The following EFCC1 variants were observed in gnomAD, a reference collection of about 807,000 sequenced individuals.
EFCC1 encodes EF-hand and coiled-coil domain containing 1, also known as EF-hand and coiled-coil domain-containing protein 1.
EFCC1 carries 50 observed loss-of-function variants against 52.1 expected under a neutral mutation model. The ratio of observed to expected loss-of-function variants is 0.96; its 90% CI spans 0.76 to 1.21. EFCC1 has a LOEUF of 1.21. Ranked by LOEUF, EFCC1 falls within the 50% of genes most tolerant of loss-of-function variation. The probability of loss-of-function intolerance (pLI) is 0.00; values close to 1 mark genes in which losing one functional copy is unlikely to be tolerated. For missense variants in EFCC1, 837 were observed against 867.3 expected (o/e 0.97, Z 0.44); for synonymous variants, 399 against 396.5 (o/e 1.01, Z -0.08).
At position 129,021,674 on chromosome 3, in the gene EFCC1, G is replaced by A. The variant is rs1945850706; in HGVS notation, c.981-9029G>A. ...ATTTATCAATCCATCTATCAATCTG[G>A]ATATTTTAAAATGCCAAATATAGGG... is the stretch of plus-strand genomic sequence containing the variant. On this transcript the variant is annotated intron_variant, in intron 2 of 7. Transcript: ENST00000683648. Among the ~76,000 whole-genome samples, 3 of 152,230 alleles carry A rather than the reference G, an allele frequency of 2.0e-5. No individual in the cohort carries two copies. The South Asian group carries it at 6.2e-4, about 32-fold the overall frequency.
In EFCC1 at chr3:129,033,487, G is replaced by A. The variant is rs186730163; in HGVS notation, c.1286+521G>A. Among the ~76,000 whole-genome samples, 353 of 152,332 alleles carry A rather than the reference G, an allele frequency of 2.3e-3. 3 individuals carry two copies. Among genetic ancestry groups the A allele is most frequent in the African/African-American group, 8.0e-3 (334 of 41,570 alleles). On this transcript the variant is annotated intron_variant, in intron 4 of 7. Transcript: ENST00000683648. ...GACACTTGTGTGGCAGAGGCTGTGTGAGGATTTGAGGTCAAAGATATACAA... is the reference window on the plus strand; with the variant it reads ...GACACTTGTGTGGCAGAGGCTGTGTAAGGATTTGAGGTCAAAGATATACAA...
intron 2 of EFCC1, among the ~76,000 whole-genome samples, chr3:129,016,127 C>T: frequency 6.6e-6 from 1 of 152,166 alleles, no homozygotes; most frequent in East Asian, 1.9e-4. Flanking sequence ...TTTGATGCGT[C>T]CCCCTGGCTT....
At chr3:129,021,460 G>A (rs1945839208) in intron 2 of EFCC1, among the ~76,000 whole-genome samples, 1 of 152,188 alleles carries the variant, frequency 6.6e-6, no homozygotes, top group African/African-American at 2.4e-5. Flanking sequence ...TGTAGTCCCA[G>A]CTACTGGGGA....
chr3:129,038,886 G>C lies in EFCC1; in HGVS notation c.1649G>C (p.Arg550Thr), dbSNP rs781518640. The C allele has an allele frequency of 6.2e-7, 1 of 1,613,954 alleles. No individual in the cohort carries two copies. Among genetic ancestry groups the C allele is most frequent in the South Asian group, 1.1e-5 (1 of 91,066 alleles). Residue 550 changes from arginine to threonine, a missense_variant, in exon 7 of 8, where the codon AGG becomes ACG. By Grantham distance (71) the Arg-to-Thr change is moderately conservative. Coordinates refer to ENST00000683648, the MANE Select transcript of EFCC1 (RefSeq NM_001377500.1). ...KILLSTLDAF[R>T]DPTHEGRPSP... ...TTGCTGAGCACGCTGGACGCTTTCA[G>C]GGACCCCACCCACGGTAGGAGAGCA...
At chr3:129,007,354 A>G (rs1945118065) in intron 2 of EFCC1, among the ~76,000 whole-genome samples, 1 of 152,220 alleles carries the variant, frequency 6.6e-6, no homozygotes, top group South Asian at 2.1e-4. Flanking sequence ...ACCGGGAGGA[A>G]AGGGCCCCAT....
At chr3:129,008,573 T>C (rs961027809) in intron 2 of EFCC1, among the ~76,000 whole-genome samples, 2 of 152,252 alleles carry the variant, frequency 1.3e-5, no homozygotes, top group African/African-American at 4.8e-5. Flanking sequence ...CAACAGTATT[T>C]TCTAAGCACG....
intron 2 of EFCC1, among the ~76,000 whole-genome samples, chr3:129,017,508 C>T (rs1945640759): frequency 6.6e-6 from 1 of 152,220 alleles, no homozygotes; most frequent in African/African-American, 2.4e-5. Context: ...AAAGCCCGTT[C>T]CAGTGTTGGC....
At chr3:129,037,841 G>A (rs1043380617) in intron 6 of EFCC1, among the ~76,000 whole-genome samples, 13 of 150,618 alleles carry the variant, frequency 8.6e-5, no homozygotes, top group African/African-American at 2.7e-4. Flanking sequence ...TGGGTGGATC[G>A]CTTGAGCTCA....
At position 129,032,958 on chromosome 3, in the gene EFCC1, C is replaced by T; in HGVS notation, c.1278C>T (p.Cys426=). The stretch of plus-strand genomic sequence containing the variant: ...CACTGCTGGCCCGGCTCTCCAGCTG[C>T]AGAGGCAGGTGTGTGGCCCGTCCAG... ...AKTLLARLSS[C]RGRCDDQTAE... is the part of the protein sequence containing the mutation. Residue 426 remains cysteine, a synonymous_variant, in exon 4 of 8, where the codon TGC becomes TGT. Transcript: ENST00000683648. 6.5e-7 allele frequency: 1 copy of T among 1,542,202 alleles called. No individual in the cohort carries two copies. The highest frequency in any genetic ancestry group is 8.8e-7 in the Non-Finnish European group (1 of 1,141,930).
intron 5 of EFCC1, among the ~76,000 whole-genome samples, chr3:129,034,830 T>C (rs867915191): frequency 6.6e-6 from 1 of 152,170 alleles, no homozygotes; most frequent in African/African-American, 2.4e-5. Context: ...ACCTCAGTCA[T>C]GTGCCCGTCC....
intron 2 of EFCC1, among the ~76,000 whole-genome samples, chr3:129,026,234 G>C (rs1183920536): frequency 1.3e-5 from 2 of 152,248 alleles, no homozygotes; most frequent in African/African-American, 4.8e-5. Flanking sequence ...GTGCTAGGAG[G>C]TGGAGTGTGG....
In EFCC1 at chr3:129,026,691, T is replaced by G. The variant is rs140458799; in HGVS notation, c.981-4012T>G. ...TCTTGGAGACAGTGACCTTATTCCC[T>G]TGTGTCTTTTCTTCTCCAGGCTGTA... On this transcript the variant is annotated intron_variant, in intron 2 of 7. Coordinates refer to ENST00000683648, the MANE Select transcript of EFCC1 (RefSeq NM_001377500.1). 1.2e-3 allele frequency among the ~76,000 whole-genome samples: 182 copies of G among 152,264 alleles called. 1 individual carries two copies. The highest frequency in any genetic ancestry group is 4.3e-3 in the African/African-American group (177 of 41,546).
chr3:129,024,974 T>C (rs1946040976), intron 2 of EFCC1, among the ~76,000 whole-genome samples: 1 of 152,030 alleles, frequency 6.6e-6, no homozygotes, highest in African/African-American at 2.4e-5. Flanking sequence ...ACTCTTTGGG[T>C]GGTCAAGTGG....
At position 129,010,047 on chromosome 3, in the gene EFCC1, G is replaced by A. The variant is rs576853855; in HGVS notation, c.980+5970G>A. On this transcript the variant is annotated intron_variant, in intron 2 of 7. Transcript: ENST00000683648. This position sits in a 1 kb window ranked among gnomAD's most constrained non-coding sequence, Gnocchi z 4.3. ...GCCCAGCCTTGGCACACAGTAAGAT[G>A]TGTGTGGACACACGAATGGACCAGC... Among the ~76,000 whole-genome samples the A allele has an allele frequency of 3.9e-5, 6 of 152,350 alleles. No homozygotes were observed. The highest frequency in any genetic ancestry group is 8.8e-5 in the Non-Finnish European group (6 of 68,040).
At chr3:129,019,083 G>T (rs79683337) in intron 2 of EFCC1, among the ~76,000 whole-genome samples, 2,114 of 152,314 alleles carry the variant, frequency 0.014, 47 homozygotes, top group African/African-American at 0.047. Flanking sequence ...GCTGGGTCTT[G>T]TGGAGACACA....
At position 129,010,447 on chromosome 3, in the gene EFCC1, G is replaced by T. The variant is rs1343096544; in HGVS notation, c.980+6370G>T. ...AGCTCAGCCGGAACAGGGAGGAGAG[G>T]CCTGGCGGCCTGGCCTCTGGCTTTG... On this transcript the variant is annotated intron_variant, in intron 2 of 7. Transcript: ENST00000683648. This position sits in a 1 kb window ranked among gnomAD's most constrained non-coding sequence, Gnocchi z 4.3. Among the ~76,000 whole-genome samples the T allele has an allele frequency of 6.6e-6, 1 of 151,874 alleles. No homozygotes were observed. The highest frequency in any genetic ancestry group is 2.4e-5 in the African/African-American group (1 of 41,370).
chr3:129,002,144 G>T lies in EFCC1; in HGVS notation c.516G>T (p.Thr172=). 1 of 1,472,868 alleles carries T rather than the reference G, an allele frequency of 6.8e-7. No individual in the cohort carries two copies. Among genetic ancestry groups the T allele is most frequent in the Non-Finnish European group, 8.9e-7 (1 of 1,120,858 alleles). 91.2% of individuals were successfully genotyped at this position (1,472,868 alleles called of 1,614,324 possible). A position where few individuals can be genotyped will look rare whatever the true frequency, so the allele number is the denominator to read the frequency against. The part of the protein sequence containing the change: ...PRGALSEHIE[T]QIRLRRPRRR... ...GCGCTCTCAGCGAGCACATCGAGAC[G>T]CAGATCCGCCTGCGCCGTCCGCGCC... Residue 172 remains threonine, a synonymous_variant, in exon 1 of 8, where the codon ACG becomes ACT. Coordinates refer to ENST00000683648, the MANE Select transcript of EFCC1 (RefSeq NM_001377500.1).
chr3:129,021,342 A>G (rs1202854903), intron 2 of EFCC1, among the ~76,000 whole-genome samples: 2 of 152,200 alleles, frequency 1.3e-5, no homozygotes, highest in Non-Finnish European at 2.9e-5. Flanking sequence ...GGAAGGTCAC[A>G]CTTTGTTTTG....
intron 2 of EFCC1, among the ~76,000 whole-genome samples, chr3:129,024,530 C>CA (rs1257143747): frequency 3.9e-4 from 49 of 126,366 alleles, no homozygotes; most frequent in Admixed American, 2.4e-3. Flanking sequence ...GACTCCGTCG[C>CA]AAAAAAAAAG....
Sources: gnomAD v4.1 joint callset for allele counts (sites outside exome capture counted in the v4.1 genomes callset) on GRCh38, gnomAD v4.1.1 for gene constraint, Gnocchi (gnomAD v3.1) non-coding constraint, MANE v1.5 for transcripts, NCBI Gene and HGNC (gene_info 2026-07-23, HGNC 2026-07-21) for gene names.